Variants in GREM2 observed in about 807,000 individuals in gnomAD.
GREM2 encodes gremlin-2.
In GREM2, 11 loss-of-function variants were observed where a neutral mutation model predicts 14.2. The ratio of observed to expected loss-of-function variants is 0.78; its 90% confidence interval spans 0.49 to 1.28. The LOEUF is 1.28. GREM2 is among the 50% of genes most tolerant of loss of function. The pLI, the probability that GREM2 is intolerant of heterozygous loss-of-function variation, is 0.00. For missense variants in GREM2, 210 were observed against 218.5 expected, an observed-to-expected ratio of 0.96 and a Z score of 0.24; for synonymous variants, 98 against 97.6, an observed-to-expected ratio of 1.00 and a Z score of -0.02.
intron 1 of GREM2, among the ~76,000 whole-genome samples, chr1:240,585,599 G>A (rs991031341): frequency 5.3e-5 from 8 of 151,470 alleles, no homozygotes; most frequent in African/African-American, 4.9e-5. Flanking sequence ...GCGTGGTGGC[G>A]GGCGCCTGTA....
chr1:240,512,451 T>C (rs1272379011), intron 1 of GREM2, among the ~76,000 whole-genome samples: 1 of 33,948 alleles, frequency 2.9e-5, no homozygotes, highest in Non-Finnish European at 4.9e-5. Flanking sequence ...CCTATTTTCC[T>C]ACTACTAAGG....
intron 1 of GREM2, among the ~76,000 whole-genome samples, chr1:240,574,053 T>C (rs1572405142): frequency 6.6e-6 from 1 of 152,102 alleles, no homozygotes; most frequent in East Asian, 1.9e-4. Flanking sequence ...CCCAAGTAGC[T>C]GGGATTACAG....
At chr1:240,532,761 G>C (rs922038497) in intron 1 of GREM2, among the ~76,000 whole-genome samples, 1 of 152,136 alleles carries the variant, frequency 6.6e-6, no homozygotes, top group Non-Finnish European at 1.5e-5. Flanking sequence ...GAAATACTTA[G>C]AGAAGTTAAG....
At chr1:240,532,875 C>A (rs976782128) in intron 1 of GREM2, among the ~76,000 whole-genome samples, 3 of 152,240 alleles carry the variant, frequency 2.0e-5, no homozygotes, top group Admixed American at 1.3e-4. Flanking sequence ...CTGGCTATAG[C>A]ATTCTGCTTT....
intron 1 of GREM2, among the ~76,000 whole-genome samples, chr1:240,583,238 T>C (rs73113798): frequency 0.024 from 3,604 of 152,182 alleles, 112 homozygotes; most frequent in African/African-American, 0.064. Context: ...GGCATATATA[T>C]GTTAATCTCA....
intron 1 of GREM2, among the ~76,000 whole-genome samples, chr1:240,498,073 T>C (rs1475841618): frequency 1.3e-5 from 2 of 152,132 alleles, no homozygotes; most frequent in Non-Finnish European, 2.9e-5. Flanking sequence ...AGGTCCTAGA[T>C]CTTATCAGAG....
chr1:240,523,259 G>A (rs1332300540), intron 1 of GREM2, among the ~76,000 whole-genome samples: 1 of 152,122 alleles, frequency 6.6e-6, no homozygotes, highest in Non-Finnish European at 1.5e-5. Context: ...GGCCTGGCTA[G>A]TAATATAATC....
intron 1 of GREM2, among the ~76,000 whole-genome samples, chr1:240,610,126 G>A (rs1412656447): frequency 6.6e-6 from 1 of 152,056 alleles, no homozygotes; most frequent in Non-Finnish European, 1.5e-5. Flanking sequence ...GAGTTAGAAA[G>A]ATAAGACAGA....
At chr1:240,509,360 A>ATTT (rs564246660) in intron 1 of GREM2, among the ~76,000 whole-genome samples, 13 of 112,024 alleles carry the variant, frequency 1.2e-4, no homozygotes, top group East Asian at 3.6e-4. Flanking sequence ...AGCTCATTTG[A>ATTT]TTTTTTTTTT....
In GREM2 at chr1:240,519,560, A is replaced by AT. The variant is rs1225431429; in HGVS notation, c.-1-26085dup. 3.3e-5 allele frequency among the ~76,000 whole-genome samples: 5 copies of AT among 152,250 alleles called. No homozygotes were observed. The East Asian group carries it at 9.6e-4, about 29-fold the overall frequency. Reference sequence around the variant, plus strand: ...TCAACATATACGGTATTCACGTAACATTTTTTTAAATCTGAAAGCATATTT... The same window carrying AT: ...TCAACATATACGGTATTCACGTAACATTTTTTTTAAATCTGAAAGCATATTT... On this transcript the variant is annotated intron_variant, in intron 1 of 1. Coordinates refer to ENST00000318160, the MANE Select transcript of GREM2 (RefSeq NM_022469.4).
intron 1 of GREM2, among the ~76,000 whole-genome samples, chr1:240,604,120 T>G (rs971584846): frequency 6.6e-6 from 1 of 151,330 alleles, no homozygotes; most frequent in African/African-American, 2.4e-5. Flanking sequence ...AGCTTTCAAG[T>G]GAATGAATGC....
chr1:240,573,154 A>T (rs186828854), intron 1 of GREM2, among the ~76,000 whole-genome samples: 62 of 152,246 alleles, frequency 4.1e-4, no homozygotes, highest in Middle Eastern at 3.4e-3. Flanking sequence ...GAAAAAAAAA[A>T]TCACGATGAA....
chr1:240,512,843 C>A (rs1361115804), intron 1 of GREM2, among the ~76,000 whole-genome samples: 2 of 152,222 alleles, frequency 1.3e-5, no homozygotes, highest in East Asian at 3.9e-4. Context: ...CCTCTATAAT[C>A]CCAATTCCTG....
rs139615797 is a variant in GREM2 at position 240,536,374 on chromosome 1, T to A, written c.-1-42898A>T. Among the ~76,000 whole-genome samples the A allele has an allele frequency of 4.3e-4, 65 of 152,336 alleles. No individual in the cohort carries two copies. The East Asian group carries it at 0.012, about 29-fold the overall frequency. ...CAGCCAAGCACACAGGGGGATGCAG[T>A]GACCTTGAATTGGCCAATGGTTAAT... On this transcript the variant is annotated intron_variant, in intron 1 of 1. Transcript: ENST00000318160.
intron 1 of GREM2, among the ~76,000 whole-genome samples, chr1:240,598,361 G>A (rs1032980947): frequency 3.9e-5 from 6 of 152,064 alleles, no homozygotes; most frequent in African/African-American, 1.4e-4. Context: ...CTGATAATCT[G>A]GGAAAATGTA....
intron 1 of GREM2, among the ~76,000 whole-genome samples, chr1:240,547,829 G>T (rs543547018): frequency 6.6e-6 from 1 of 152,206 alleles, no homozygotes; most frequent in East Asian, 1.9e-4. Context: ...AAACCACCCA[G>T]AAGAGGAAGT....
At chr1:240,584,929 G>A (rs1465952969) in intron 1 of GREM2, among the ~76,000 whole-genome samples, 1 of 152,148 alleles carries the variant, frequency 6.6e-6, no homozygotes, top group Non-Finnish European at 1.5e-5. Flanking sequence ...GCTGAGGGAT[G>A]ACGGTGCTGC....
At chr1:240,572,560 C>T (rs999823954) in intron 1 of GREM2, among the ~76,000 whole-genome samples, 4 of 152,140 alleles carry the variant, frequency 2.6e-5, no homozygotes, top group African/African-American at 9.7e-5. Flanking sequence ...GTAACTAGTC[C>T]ATTTTGTCCC....
chr1:240,518,876 G>A (rs1184598010), intron 1 of GREM2, among the ~76,000 whole-genome samples: 2 of 152,164 alleles, frequency 1.3e-5, no homozygotes, highest in African/African-American at 4.8e-5. Context: ...GTGACAGCAT[G>A]TTTATGTTGC....
Sources: gnomAD v4.1 joint callset for allele counts (sites outside exome capture counted in the v4.1 genomes callset) on GRCh38, gnomAD v4.1.1 for gene constraint, MANE v1.5 for transcripts, NCBI Gene and HGNC (gene_info 2026-07-23, HGNC 2026-07-21) for gene names.